The following PLCB1 variants were observed in gnomAD, a reference collection of about 807,000 sequenced individuals.
PLCB1 encodes 1-phosphatidylinositol 4,5-bisphosphate phosphodiesterase beta-1.
PLCB1 carries 46 observed loss-of-function variants against 161.8 expected under a neutral mutation model. That is an observed-to-expected ratio of 0.28 (90% confidence interval 0.22 to 0.36). PLCB1 has a LOEUF of 0.36. Among genes scored for constraint, PLCB1 ranks in the 10% least tolerant of loss-of-function variants. PLCB1 has a pLI of 1.00. For synonymous variants in PLCB1, 517 were observed against 503.7 expected (o/e 1.03, Z -0.35); for missense variants, 1,016 against 1,472.5 (o/e 0.69, Z 5.07).
At chr20:8,755,389 T>C (rs1981688577) in intron 23 of PLCB1, among the ~76,000 whole-genome samples, 1 of 152,196 alleles carries the variant, frequency 6.6e-6, no homozygotes, top group African/African-American at 2.4e-5. Context: ...TATTTCCTAA[T>C]GTATTTTTAA....
At chr20:8,153,875 A>G (rs1486149322) in intron 2 of PLCB1, among the ~76,000 whole-genome samples, 1 of 152,178 alleles carries the variant, frequency 6.6e-6, no homozygotes, top group East Asian at 1.9e-4. Flanking sequence ...AAGAACTCCC[A>G]TTACTTTCTT....
chr20:8,634,905 T>C (rs889064151), intron 4 of PLCB1, among the ~76,000 whole-genome samples: 4 of 152,172 alleles, frequency 2.6e-5, no homozygotes, highest in Admixed American at 2.6e-4. Context: ...ACCTTTACAA[T>C]TGTAATATTA....
chr20:8,768,583 T>C (rs1275461130), intron 26 of PLCB1, among the ~76,000 whole-genome samples: 1 of 152,216 alleles, frequency 6.6e-6, no homozygotes, highest in Non-Finnish European at 1.5e-5. Flanking sequence ...TTCCATATAT[T>C]TCTCACAGCA....
intron 2 of PLCB1, among the ~76,000 whole-genome samples, chr20:8,165,702 C>T (rs936788510): frequency 1.3e-5 from 2 of 152,172 alleles, no homozygotes; most frequent in Non-Finnish European, 2.9e-5. Flanking sequence ...TGCATCTTGT[C>T]TAAGGTTACA....
rs754015632 is a variant in PLCB1 at position 8,744,658 on chromosome 20, A to AAT, written c.2523+3086_2523+3087insTA. ...AATAAAATAAAATAAAATAAAATAA[A>AAT]AAAATAAAATTGTTTGTAAATATTT... On this transcript the variant is annotated intron_variant, in intron 23 of 31. Transcript: ENST00000338037. Among the ~76,000 whole-genome samples the AAT allele has an allele frequency of 1.0e-3, 68 of 67,596 alleles. 1 individual carries two copies. Among genetic ancestry groups the AAT allele is most frequent in the African/African-American group, 4.9e-3 (64 of 13,072 alleles). 44.3% of individuals were successfully genotyped at this position (67,596 alleles called of 152,430 possible).
chr20:8,461,719 G>A (rs937063283), intron 3 of PLCB1, among the ~76,000 whole-genome samples: 1 of 152,138 alleles, frequency 6.6e-6, no homozygotes, highest in Admixed American at 6.5e-5. Context: ...TGTGGAGAAA[G>A]TAGTTTCGAC....
At chr20:8,508,229 T>C (rs1983722843) in intron 3 of PLCB1, among the ~76,000 whole-genome samples, 1 of 152,174 alleles carries the variant, frequency 6.6e-6, no homozygotes, top group Admixed American at 6.5e-5. Flanking sequence ...GAAAATAAAC[T>C]CCTTCCTGGG....
At chr20:8,577,378 C>T (rs894117657) in intron 3 of PLCB1, among the ~76,000 whole-genome samples, 1 of 147,678 alleles carries the variant, frequency 6.8e-6, no homozygotes, top group African/African-American at 2.5e-5. Context: ...GCGGAGCTTG[C>T]AGTGAGCCGA....
intron 9 of PLCB1, among the ~76,000 whole-genome samples, chr20:8,680,315 C>G (rs1990182981): frequency 6.6e-6 from 1 of 152,114 alleles, no homozygotes; most frequent in Non-Finnish European, 1.5e-5. Flanking sequence ...GTTCTCTGCC[C>G]CAAGTCTTTA....
At chr20:8,751,051 T>G (rs2123547695) in intron 23 of PLCB1, 1 of 311,708 alleles carries the variant, frequency 3.2e-6, no homozygotes, top group Admixed American at 4.3e-5. Context: ...TTCTCCTGGG[T>G]CAGCCTCCTG....
chr20:8,353,225 T>A (rs549770514), intron 2 of PLCB1, among the ~76,000 whole-genome samples: 1 of 152,140 alleles, frequency 6.6e-6, no homozygotes, highest in South Asian at 2.1e-4. Flanking sequence ...TTCTCAATGG[T>A]CAAAGCTGGA....
In PLCB1 at chr20:8,733,405, C is replaced by T; in HGVS notation, c.2043+13C>T. 5 of 1,610,618 alleles carry T rather than the reference C, an allele frequency of 3.1e-6. No individual in the cohort carries two copies. The highest frequency in any genetic ancestry group is 4.2e-6 in the Non-Finnish European group (5 of 1,177,122). On this transcript the variant is annotated intron_variant, in intron 19 of 31. Transcript: ENST00000338037. ...TTTGTCTGTTAAGGTAGGTATACCC[C>T]ATCACAAAATTGTTCCTAACAATAG...
At chr20:8,571,397 A>G (rs1433905572) in intron 3 of PLCB1, among the ~76,000 whole-genome samples, 2 of 152,094 alleles carry the variant, frequency 1.3e-5, no homozygotes, top group Non-Finnish European at 2.9e-5. Context: ...CAGGAGAATC[A>G]CTTGAACTCG....
chr20:8,551,135 C>T (rs752836874), intron 3 of PLCB1, among the ~76,000 whole-genome samples: 1 of 152,068 alleles, frequency 6.6e-6, no homozygotes, highest in Non-Finnish European at 1.5e-5. Flanking sequence ...AATTCTTTTG[C>T]TAAATTGTTG....
intron 3 of PLCB1, among the ~76,000 whole-genome samples, chr20:8,520,583 A>G (rs1984310121): frequency 6.6e-6 from 1 of 152,208 alleles, no homozygotes; most frequent in Admixed American, 6.5e-5. Context: ...CAGAACTTTA[A>G]CAAATATACA....
intron 3 of PLCB1, among the ~76,000 whole-genome samples, chr20:8,596,794 G>T (rs1987365049): frequency 8.0e-6 from 1 of 125,094 alleles, no homozygotes; most frequent in Admixed American, 8.4e-5. Flanking sequence ...GTGGTTTGTA[G>T]TTCTCCTTGA....
intron 3 of PLCB1, among the ~76,000 whole-genome samples, chr20:8,468,217 A>G (rs573695052): frequency 1.3e-5 from 2 of 152,288 alleles, no homozygotes; most frequent in African/African-American, 4.8e-5. Context: ...TATATGTTCT[A>G]TATTTTGATC....
intron 19 of PLCB1, among the ~76,000 whole-genome samples, chr20:8,736,061 C>A (rs1358316745): frequency 6.6e-6 from 1 of 152,212 alleles, no homozygotes; most frequent in Non-Finnish European, 1.5e-5. Flanking sequence ...ATAATGCTGT[C>A]CCCTTTTCAC....
At chr20:8,393,792 C>A (rs193298741) in intron 3 of PLCB1, among the ~76,000 whole-genome samples, 1 of 152,030 alleles carries the variant, frequency 6.6e-6, no homozygotes, top group Non-Finnish European at 1.5e-5. Flanking sequence ...TATAAATGTT[C>A]TAAAAGCCAT....
Sources: gnomAD v4.1 joint callset for allele counts (sites outside exome capture counted in the v4.1 genomes callset) on GRCh38, gnomAD v4.1.1 for gene constraint, MANE v1.5 for transcripts, NCBI Gene and HGNC (gene_info 2026-07-23, HGNC 2026-07-21) for gene names.